Variants in HSF2 observed in about 807,000 individuals in gnomAD.
HSF2 encodes heat shock transcription factor 2, also known as heat shock factor protein 2.
Under a neutral mutation model 65.0 loss-of-function variants are expected in HSF2, and 21 were observed. That is an observed-to-expected ratio of 0.32 (90% confidence interval 0.23 to 0.47). The LOEUF (loss-of-function observed/expected upper bound fraction) is 0.47, where lower values mean the gene tolerates loss of function less well. Among genes scored for constraint, HSF2 ranks in the 20% least tolerant of loss-of-function variants. The pLI is 1.00. For synonymous variants in HSF2, 225 were observed against 219.1 expected (o/e 1.03, Z -0.24); for missense variants, 499 against 628.1 (o/e 0.79, Z 2.20).
chr6:122,416,743 TG>T (rs1473751497), intron 5 of HSF2, among the ~76,000 whole-genome samples: 1 of 152,124 alleles, frequency 6.6e-6, no homozygotes, highest in Non-Finnish European at 1.5e-5. Flanking sequence ...GTTCAGAAAA[TG>T]ATTTCTCAAT....
chr6:122,402,080 G>A (rs891562039), intron 1 of HSF2, among the ~76,000 whole-genome samples: 3 of 152,190 alleles, frequency 2.0e-5, no homozygotes, highest in Non-Finnish European at 4.4e-5. Flanking sequence ...TATCATTAGT[G>A]TTAGTGTATT....
chr6:122,429,046 G>A (rs1774401435), intron 11 of HSF2, among the ~76,000 whole-genome samples: 1 of 152,074 alleles, frequency 6.6e-6, no homozygotes, highest in Non-Finnish European at 1.5e-5. Context: ...CAGACAATAT[G>A]TAAAAGAATG....
intron 12 of HSF2, 112 bp from the exon 13 acceptor site, chr6:122,431,813 G>C: frequency 1.2e-6 from 1 of 853,838 alleles, no homozygotes; most frequent in South Asian, 1.7e-5. Context: ...TTCTTGTTTG[G>C]CTATATGAGA....
In HSF2 at chr6:122,416,291, C is replaced by T. The variant is rs756860985; in HGVS notation, c.526C>T (p.Arg176Ter). The change falls in exon 5 of 13, where the codon CGA becomes TGA. Residue 176 changes from arginine to a stop codon, truncating the protein, a stop_gained. Transcript: ENST00000368455. LOFTEE classifies it high-confidence loss of function. Reference sequence around the variant, plus strand: ...GCATGCACAACAGCAACAAGTTATTCGAAAGGTAAGAAGCTCTTTTCCCCA... The same window carrying T: ...GCATGCACAACAGCAACAAGTTATTTGAAAGGTAAGAAGCTCTTTTCCCCA... ...AKHAQQQQVIRKIVQFIVTLV... is the reference protein window; with the variant it reads ...AKHAQQQQVI The T allele has an allele frequency of 3.7e-6, 6 of 1,607,622 alleles. No individual in the cohort carries two copies. The highest frequency in any genetic ancestry group is 1.1e-5 in the South Asian group (1 of 90,884).
At chr6:122,419,294 A>G (rs1164015875) in intron 6 of HSF2, 65 bp downstream of exon 6, 1 of 733,996 alleles carries the variant, frequency 1.4e-6, no homozygotes, top group Non-Finnish European at 2.3e-6. Context: ...GTGTTTAACC[A>G]TGAGTAGCCT....
chr6:122,423,529 C>T, intron 9 of HSF2, 52 bp from the exon 10 acceptor site: 2 of 946,072 alleles, frequency 2.1e-6, no homozygotes, highest in Non-Finnish European at 3.2e-6. Flanking sequence ...GATTTTTAAA[C>T]ATAAAAACAA....
intron 9 of HSF2, among the ~76,000 whole-genome samples, chr6:122,423,188 G>A (rs1774273434): frequency 1.3e-5 from 2 of 152,056 alleles, no homozygotes; most frequent in African/African-American, 4.8e-5. Flanking sequence ...CTTCCTTTGA[G>A]TGTACATACA....
intron 1 of HSF2, among the ~76,000 whole-genome samples, chr6:122,407,510 TTAA>T (rs1410511866): frequency 2.6e-5 from 4 of 152,322 alleles, no homozygotes; most frequent in African/African-American, 9.6e-5. Context: ...TTCTTGATTA[TTAA>T]TGAGTTCTAA....
chr6:122,432,009 C>A lies in HSF2; in HGVS notation c.1400C>A (p.Thr467Lys). The A allele has an allele frequency of 6.2e-7, 1 of 1,613,976 alleles. No individual in the cohort carries two copies. The highest frequency in any genetic ancestry group is 8.5e-7 in the Non-Finnish European group (1 of 1,179,906). Residue 467 changes from threonine (T) to lysine (K), a missense_variant, in exon 13 of 13, where the codon ACA becomes AAA. Physicochemically the swap from Thr to Lys is moderately conservative, Grantham distance 78. Around this residue, in one of 2 missense-constraint regions of HSF2, gnomAD observed 349 missense variants for 393.5 expected, o/e 0.89. Transcript: ENST00000368455. ...NPASSVEQASTTASSEVLSSV... is the reference protein window; with the variant it reads ...NPASSVEQASKTASSEVLSSV... ...GCTTCTTCTGTTGAACAGGCGAGTACAACAGCATCATCAGAAGTTTTGTCC... is the reference window on the plus strand; with the variant it reads ...GCTTCTTCTGTTGAACAGGCGAGTAAAACAGCATCATCAGAAGTTTTGTCC...
At chr6:122,407,798 G>A (rs886867615) in intron 1 of HSF2, among the ~76,000 whole-genome samples, 1 of 151,562 alleles carries the variant, frequency 6.6e-6, no homozygotes, top group African/African-American at 2.4e-5. Context: ...TTGGGCTGCC[G>A]TAGCAAGATA....
chr6:122,405,256 T>TAA (rs367766925), intron 1 of HSF2, among the ~76,000 whole-genome samples: 9 of 123,688 alleles, frequency 7.3e-5, no homozygotes, highest in Non-Finnish European at 1.4e-4. Context: ...CCCTGTCTCT[T>TAA]AAAAAAAAAA....
rs1162454304 is a variant in HSF2, at chr6:122,432,345, A to G, written c.*125A>G. 1.3e-6 allele frequency: 1 copy of G among 784,488 alleles called. No homozygotes were observed. Among genetic ancestry groups the G allele is most frequent in the Non-Finnish European group, 2.0e-6 (1 of 497,358 alleles). 48.6% of individuals were successfully genotyped at this position (784,488 alleles called of 1,614,324 possible). ...TGTTTAATCAGATACTGTGGAATAA[A>G]AGCACCTTTTGCTTTTCTCACTAAC... On this transcript the variant is annotated 3_prime_UTR_variant, in exon 13 of 13. Transcript: ENST00000368455.
chr6:122,410,580 C>T (rs1773967482), intron 1 of HSF2, among the ~76,000 whole-genome samples: 1 of 151,874 alleles, frequency 6.6e-6, no homozygotes, highest in Non-Finnish European at 1.5e-5. Context: ...ACTCCTTCCT[C>T]CCCGCAGCCC....
rs1774507058 is a variant in HSF2 at position 122,432,832 on chromosome 6, A to G, written c.*612A>G. 6.6e-6 allele frequency: 1 copy of G among 152,248 alleles called. No homozygotes were observed. Among genetic ancestry groups the G allele is most frequent in the Non-Finnish European group, 1.5e-5 (1 of 68,102 alleles). 9.4% of individuals were successfully genotyped at this position (152,248 alleles called of 1,614,324 possible). ...GGGTTCCAGCTCCATATATATAGAAAGATCGGGGGTGGGATGGGATGGAGT... is the reference window on the plus strand; with the variant it reads ...GGGTTCCAGCTCCATATATATAGAAGGATCGGGGGTGGGATGGGATGGAGT... On this transcript the variant is annotated 3_prime_UTR_variant, in exon 13 of 13. Transcript: ENST00000368455.
In HSF2 at chr6:122,431,459, G is replaced by C; in HGVS notation, c.1260G>C (p.Lys420Asn). 1.3e-6 allele frequency: 2 copies of C among 1,583,298 alleles called. No homozygotes were observed. Among genetic ancestry groups the C allele is most frequent in the East Asian group, 2.3e-5 (1 of 43,960 alleles). ...KSENKGLETT[K>N]NNVVQPVSEE... is the part of the protein sequence containing the mutation. ...AGAATAAAGGATTAGAAACTACCAA[G>C]AACAATGTAGTTCAGCCAGTTTCGG... is the stretch of plus-strand genomic sequence containing the variant. Residue 420 changes from lysine (K) to asparagine (N), a missense_variant, in exon 12 of 13, where the codon AAG becomes AAC. Lys to Asn is a moderately conservative substitution (Grantham distance 94, BLOSUM62 0). This residue lies in a region of HSF2 where 349 missense variants were observed against 393.5 expected (regional missense o/e 0.89). Transcript: ENST00000368455.
chr6:122,404,350 G>A (rs1358820436), intron 1 of HSF2, among the ~76,000 whole-genome samples: 6 of 152,198 alleles, frequency 3.9e-5, no homozygotes, highest in Non-Finnish European at 8.8e-5. Context: ...GACTACAAGT[G>A]TGGGAGGATG....
Position 122,422,284 on chromosome 6 carries a change from A to G in HSF2, c.816A>G (p.Ile272Met). The change falls in exon 8 of 13, where the codon ATA becomes ATG. Residue 272 changes from isoleucine (I) to methionine (M), a missense_variant. Physicochemically the swap from Ile to Met is conservative, Grantham distance 10. This residue lies in a region of HSF2 where 349 missense variants were observed against 393.5 expected (regional missense o/e 0.89). Transcript: ENST00000368455. ...TTCCAGAAACTAATGAGGATGTTATATCTGATCCCTCCAAGTAAGGAGTTT... is the reference window on the plus strand; with the variant it reads ...TTCCAGAAACTAATGAGGATGTTATGTCTGATCCCTCCAAGTAAGGAGTTT... ...PVIPETNEDV[I>M]SDPSNCSQYP... The G allele has an allele frequency of 1.3e-6, 2 of 1,598,962 alleles. No individual in the cohort carries two copies. The highest frequency in any genetic ancestry group is 1.7e-6 in the Non-Finnish European group (2 of 1,167,622).
intron 4 of HSF2, among the ~76,000 whole-genome samples, chr6:122,414,019 A>G (rs927277553): frequency 6.6e-6 from 1 of 152,148 alleles, no homozygotes; most frequent in African/African-American, 2.4e-5. Context: ...AAAACCCTGT[A>G]TGTTACCCAT....
chr6:122,423,444 A>G, intron 9 of HSF2, 137 bp from the exon 10 acceptor site: 1 of 494,502 alleles, frequency 2.0e-6, no homozygotes, highest in Non-Finnish European at 3.6e-6. Context: ...CTCTAGAATA[A>G]GATCTCTTAA....
Sources: allele counts gnomAD v4.1 joint callset (sites outside exome capture counted in the v4.1 genomes callset), GRCh38; gene constraint gnomAD v4.1.1; regional missense constraint gnomAD v4.1.1; transcripts MANE v1.5; gene names NCBI Gene and HGNC (gene_info 2026-07-23, HGNC 2026-07-21).